USP34: variants seen among roughly 807,000 people sequenced by gnomAD.
USP34 encodes the protein ubiquitin specific peptidase 34.
A neutral mutation model predicts 460.3 loss-of-function variants in USP34; 70 were observed. That is an observed-to-expected ratio of 0.15 (90% CI 0.13 to 0.19). The LOEUF (loss-of-function observed/expected upper bound fraction) is 0.19, where lower values mean the gene tolerates loss of function less well. Ranked by LOEUF, USP34 falls within the 10% of genes least tolerant of loss-of-function variation. USP34 has a pLI of 1.00. For synonymous variants in USP34, 1,647 were observed against 1,405.3 expected (o/e 1.17, Z -3.85); for missense variants, 3,985 against 4,236.2 (o/e 0.94, Z 1.65).
intron 1 of USP34, among the ~76,000 whole-genome samples, chr2:61,458,498 T>TTG (rs1695502024): frequency 6.9e-6 from 1 of 143,938 alleles, no homozygotes; most frequent in African/African-American, 2.6e-5. Flanking sequence ...GAAGCAGAGG[T>TTG]TGCAGTGAGC....
chr2:61,276,600 TAAC>T (rs1259963707), intron 41 of USP34, among the ~76,000 whole-genome samples: 2 of 152,192 alleles, frequency 1.3e-5, no homozygotes, highest in Non-Finnish European at 2.9e-5. Context: ...TATTTTTTCT[TAAC>T]AATGACTTTT....
chr2:61,233,642 A>G (rs564226466), intron 57 of USP34, among the ~76,000 whole-genome samples: 9 of 152,064 alleles, frequency 5.9e-5, no homozygotes, highest in Non-Finnish European at 1.0e-4. Flanking sequence ...CTGGGCAACA[A>G]AGAGACTCTG....
chr2:61,337,683 T>C (rs1322266121), intron 18 of USP34, among the ~76,000 whole-genome samples: 1 of 152,158 alleles, frequency 6.6e-6, no homozygotes, highest in African/African-American at 2.4e-5. Context: ...GTCTCAGTCC[T>C]GGACTCATGC....
Position 61,230,094 on chromosome 2 carries a change from T to C in USP34, c.7114-461A>G, listed in dbSNP as rs186051225. Reference sequence around the variant, plus strand: ...GTGTAACCATTTTGAGAAAAATGCATACCAAAACCACAATAAGATACCACT... The same window carrying C: ...GTGTAACCATTTTGAGAAAAATGCACACCAAAACCACAATAAGATACCACT... On this transcript the variant is annotated intron_variant, in intron 58 of 79. Coordinates refer to ENST00000398571, the MANE Select transcript of USP34 (RefSeq NM_014709.4). 1.6e-4 allele frequency among the ~76,000 whole-genome samples: 25 copies of C among 152,290 alleles called. No individual in the cohort carries two copies. The East Asian group carries it at 3.9e-3, about 23-fold the overall frequency.
intron 2 of USP34, among the ~76,000 whole-genome samples, chr2:61,413,095 T>C (rs535323992): frequency 6.6e-6 from 1 of 151,312 alleles, no homozygotes; most frequent in Admixed American, 6.6e-5. Context: ...TCAGGGAGAG[T>C]AATTAAGAGT....
In USP34 at chr2:61,278,076, G is replaced by A. The variant is rs150546134; in HGVS notation, c.5433+89C>T. ...TGCCCAGTCTCGGGTATGCCTTTATGAGCAGTGTAAAAACGGACTAATACA... is the reference window on the plus strand; with the variant it reads ...TGCCCAGTCTCGGGTATGCCTTTATAAGCAGTGTAAAAACGGACTAATACA... On this transcript the variant is annotated intron_variant, in intron 41 of 79. Transcript: ENST00000398571. The A allele has an allele frequency of 3.5e-4, 520 of 1,474,354 alleles. 5 individuals carry two copies. In the East Asian group the frequency reaches 0.011, roughly 30 times the overall value. The allele number at this position is 1,474,354 out of a possible 1,614,324, so 91.3% of individuals were successfully genotyped here.
intron 72 of USP34, among the ~76,000 whole-genome samples, chr2:61,205,575 A>T (rs1374377490): frequency 1.3e-5 from 2 of 152,232 alleles, no homozygotes. Context: ...ACAAATTAGC[A>T]TTTTATTATA....
At chr2:61,212,003 T>C in intron 68 of USP34, 74 bp from the exon 69 acceptor site, 1 of 1,443,166 alleles carries the variant, frequency 6.9e-7, no homozygotes, top group Non-Finnish European at 9.2e-7. Context: ...CATTTCTACG[T>C]TCATTAATCA....
chr2:61,198,026 T>G (rs1311359852), intron 75 of USP34, among the ~76,000 whole-genome samples: 7 of 152,250 alleles, frequency 4.6e-5, no homozygotes, highest in Admixed American at 4.6e-4. Context: ...CCCAAAGTGC[T>G]GGGATTACAG....
At chr2:61,263,644 G>C (rs771026964) in intron 43 of USP34, among the ~76,000 whole-genome samples, 1 of 151,940 alleles carries the variant, frequency 6.6e-6, no homozygotes, top group Non-Finnish European at 1.5e-5. Flanking sequence ...ACCATACCCA[G>C]CTATTTTTTT....
rs199516316 is a variant in USP34, at chr2:61,260,890, GCAA to G, written c.5779-1117_5779-1115del. On this transcript the variant is annotated intron_variant, in intron 43 of 79. Coordinates refer to ENST00000398571, the MANE Select transcript of USP34 (RefSeq NM_014709.4). ...AGCTGCCTAAATTTATTAAAGTCAA[GCAA>G]CAACAAGGGAATTTTACTTAATGCG... Among the ~76,000 whole-genome samples the G allele has an allele frequency of 3.6e-3, 541 of 152,222 alleles. 1 individual carries two copies. Among genetic ancestry groups the G allele is most frequent in the African/African-American group, 0.011 (449 of 41,544 alleles).
intron 8 of USP34, among the ~76,000 whole-genome samples, chr2:61,373,939 G>A (rs761526110): frequency 5.9e-5 from 9 of 152,088 alleles, no homozygotes; most frequent in Admixed American, 4.6e-4. Context: ...TGGACTGCTT[G>A]AGGTCAGGAG....
chr2:61,323,686 T>C (rs1690997330), intron 21 of USP34, among the ~76,000 whole-genome samples: 1 of 152,104 alleles, frequency 6.6e-6, no homozygotes, highest in African/African-American at 2.4e-5. Context: ...ACAGTAGCTA[T>C]TGTCTATTGT....
At chr2:61,256,596 T>C in intron 47 of USP34, 118 bp from the exon 48 acceptor site, 3 of 723,162 alleles carry the variant, frequency 4.1e-6, no homozygotes, top group African/African-American at 1.9e-5. Flanking sequence ...TTTTTAAAAG[T>C]GAATTCTTAA....
intron 1 of USP34, among the ~76,000 whole-genome samples, chr2:61,469,597 C>T (rs956641164): frequency 2.2e-4 from 33 of 152,140 alleles, no homozygotes; most frequent in African/African-American, 7.0e-4. Context: ...AACACAAATA[C>T]CATGGTACAT....
intron 5 of USP34, among the ~76,000 whole-genome samples, chr2:61,390,286 A>T (rs577650346): frequency 3.3e-5 from 5 of 152,226 alleles, no homozygotes; most frequent in African/African-American, 1.2e-4. Flanking sequence ...ACTCTGGCAA[A>T]GAGCTGAGGG....
chr2:61,360,385 C>T (rs373087630), intron 10 of USP34, among the ~76,000 whole-genome samples: 1 of 152,124 alleles, frequency 6.6e-6, no homozygotes, highest in African/African-American at 2.4e-5. Context: ...AAATCAGCAG[C>T]ATTTCTAAGT....
In USP34 at chr2:61,187,662, T is replaced by A; in HGVS notation, c.*440A>T. ...CTTTACAGAATCAAATTTCTTGTGG[T>A]TGTTCCGTATACAAGTAAACTTAAT... On this transcript the variant is annotated 3_prime_UTR_variant, in exon 80 of 80. Coordinates refer to ENST00000398571, the MANE Select transcript of USP34 (RefSeq NM_014709.4). 1.7e-6 allele frequency: 1 copy of A among 581,196 alleles called. No homozygotes were observed. Among genetic ancestry groups the A allele is most frequent in the Non-Finnish European group, 2.2e-6 (1 of 459,544 alleles). 36.0% of individuals were successfully genotyped at this position (581,196 alleles called of 1,614,324 possible).
intron 1 of USP34, among the ~76,000 whole-genome samples, chr2:61,435,568 G>A (rs541593521): frequency 6.6e-6 from 1 of 152,228 alleles, no homozygotes; most frequent in South Asian, 2.1e-4. Flanking sequence ...ATACTCATCA[G>A]TAGATTGCCT....
Sources: allele counts gnomAD v4.1 joint callset (sites outside exome capture counted in the v4.1 genomes callset), GRCh38; gene constraint gnomAD v4.1.1; transcripts MANE v1.5; gene names NCBI Gene and HGNC (gene_info 2026-07-23, HGNC 2026-07-21).